KIAA2012: variants seen among roughly 807,000 people sequenced by gnomAD.
KIAA2012 encodes uncharacterized protein KIAA2012.
KIAA2012 carries 125 observed loss-of-function variants against 150.6 expected under a neutral mutation model. The ratio of observed to expected loss-of-function variants is 0.83; its 90% CI spans 0.72 to 0.96. The LOEUF (loss-of-function observed/expected upper bound fraction) is 0.96. Among genes scored for constraint, KIAA2012 ranks in the 40% least tolerant of loss-of-function variants. The probability of loss-of-function intolerance (pLI) is 0.00; values close to 1 mark genes in which losing one functional copy is unlikely to be tolerated. For missense variants in KIAA2012, 1,219 were observed against 1,354.9 expected (o/e 0.90, Z 1.57); for synonymous variants, 462 against 504.7 (o/e 0.92, Z 1.13).
intron 13 of KIAA2012, among the ~76,000 whole-genome samples, chr2:202,152,799 CTGTT>C (rs1236879880): frequency 3.9e-5 from 6 of 152,122 alleles, no homozygotes; most frequent in Admixed American, 2.6e-4. Flanking sequence ...GGAATGATGA[CTGTT>C]TGTGGGGACT....
intron 11 of KIAA2012, chr2:202,115,150 A>G (rs1228134237): frequency 6.5e-6 from 1 of 153,100 alleles, no homozygotes; most frequent in Non-Finnish European, 1.5e-5. Flanking sequence ...TATACTGAAA[A>G]AAATTTTTCC....
intron 9 of KIAA2012, among the ~76,000 whole-genome samples, chr2:202,108,454 A>C (rs1043628110): frequency 6.6e-6 from 1 of 152,196 alleles, no homozygotes; most frequent in African/African-American, 2.4e-5. Flanking sequence ...TCAACCTAGA[A>C]TTCAACTCAG....
chr2:202,186,184 C>A (rs1407183042), intron 16 of KIAA2012, among the ~76,000 whole-genome samples: 1 of 152,142 alleles, frequency 6.6e-6, no homozygotes, highest in Non-Finnish European at 1.5e-5. Flanking sequence ...CAGCACATGA[C>A]CTTTTAGTGG....
intron 2 of KIAA2012, among the ~76,000 whole-genome samples, chr2:202,085,199 GAAA>G (rs1156807786): frequency 6.6e-5 from 10 of 152,100 alleles, no homozygotes; most frequent in African/African-American, 2.4e-4. Flanking sequence ...CAGGAAACTA[GAAA>G]AAAACTTAAA....
intron 14 of KIAA2012, among the ~76,000 whole-genome samples, chr2:202,156,623 CGCCTG>C (rs578034604): frequency 6.0e-4 from 92 of 152,312 alleles, no homozygotes; most frequent in African/African-American, 2.1e-3. Flanking sequence ...AAGTGACTCA[CGCCTG>C]TAATCCCAGC....
intron 10 of KIAA2012, among the ~76,000 whole-genome samples, chr2:202,111,194 TGATTA>T (rs1262567931): frequency 2.0e-5 from 3 of 151,968 alleles, no homozygotes; most frequent in Non-Finnish European, 4.4e-5. Flanking sequence ...AGGGAGAATC[TGATTA>T]GAATAGAATG....
At chr2:202,153,908 C>A (rs1440351125) in intron 13 of KIAA2012, among the ~76,000 whole-genome samples, 1 of 152,170 alleles carries the variant, frequency 6.6e-6, no homozygotes, top group African/African-American at 2.4e-5. Context: ...CTCTTGAGGA[C>A]AATGGCCTTT....
At chr2:202,126,528 T>C (rs1308069526) in intron 12 of KIAA2012, among the ~76,000 whole-genome samples, 1 of 152,120 alleles carries the variant, frequency 6.6e-6, no homozygotes. Context: ...TAGAAAGAGT[T>C]TCCATGCCAT....
intron 2 of KIAA2012, chr2:202,077,178 G>GC (rs1689344525): frequency 4.9e-5 from 19 of 386,490 alleles, no homozygotes; most frequent in South Asian, 9.5e-5. Flanking sequence ...TCTCAATGTT[G>GC]CCCCCCCAGC....
chr2:202,084,461 G>A (rs550276907), intron 2 of KIAA2012, among the ~76,000 whole-genome samples: 2 of 152,166 alleles, frequency 1.3e-5, no homozygotes, highest in East Asian at 1.9e-4. Flanking sequence ...CAAGTCCCTC[G>A]TTAAAGGAAG....
At chr2:202,162,116 C>A (rs943768919) in intron 14 of KIAA2012, among the ~76,000 whole-genome samples, 3 of 151,948 alleles carry the variant, frequency 2.0e-5, no homozygotes, top group Non-Finnish European at 4.4e-5. Context: ...AGCTGCTCAG[C>A]TCCCTTCCCT....
intron 22 of KIAA2012, chr2:202,197,364 T>C: frequency 3.3e-6 from 1 of 301,994 alleles, no homozygotes; most frequent in South Asian, 4.9e-5. Context: ...CCCCCTGATT[T>C]CGAACCCACT....
intron 3 of KIAA2012, among the ~76,000 whole-genome samples, chr2:202,092,723 G>A (rs551284915): frequency 3.3e-4 from 50 of 152,142 alleles, no homozygotes; most frequent in African/African-American, 1.1e-3. Flanking sequence ...CTCCTCCTGA[G>A]GCAGGAGGAG....
intron 15 of KIAA2012, among the ~76,000 whole-genome samples, chr2:202,181,213 G>A (rs1440909441): frequency 6.6e-6 from 1 of 152,108 alleles, no homozygotes; most frequent in Non-Finnish European, 1.5e-5. Context: ...CAAGCGATCT[G>A]CCTGCCTCAG....
At chr2:202,204,191 C>T (rs551982032) in intron 23 of KIAA2012, among the ~76,000 whole-genome samples, 2 of 152,094 alleles carry the variant, frequency 1.3e-5, no homozygotes, top group African/African-American at 4.8e-5. Context: ...ATCCTCCCAC[C>T]TCAGCCTCCC....
chr2:202,153,329 C>T (rs554384208), intron 13 of KIAA2012, among the ~76,000 whole-genome samples: 1 of 152,160 alleles, frequency 6.6e-6, no homozygotes, highest in African/African-American at 2.4e-5. Context: ...TGCTCATGCT[C>T]TGGGTGGTCA....
At chr2:202,146,157 C>T (rs775471358) in intron 13 of KIAA2012, among the ~76,000 whole-genome samples, 2 of 152,082 alleles carry the variant, frequency 1.3e-5, no homozygotes, top group East Asian at 1.9e-4. Flanking sequence ...ACACATGAAC[C>T]GCACTTTAAA....
chr2:202,082,584 A>G (rs1402655541), intron 2 of KIAA2012, among the ~76,000 whole-genome samples: 1 of 130,094 alleles, frequency 7.7e-6, no homozygotes, highest in Admixed American at 8.4e-5. Flanking sequence ...TGACAGGGCG[A>G]GAGTCTGTCT....
intron 2 of KIAA2012, among the ~76,000 whole-genome samples, chr2:202,086,167 C>CAAAAAAAAAAAAAAAAAA (rs56207993): frequency 1.1e-5 from 1 of 90,144 alleles, no homozygotes; most frequent in Non-Finnish European, 2.1e-5. Flanking sequence ...AACTCTGTCT[C>CAAAAAAAAAAAAAAAAAA]AAAAAAAAAA....
Sources: gnomAD v4.1 joint callset for allele counts (sites outside exome capture counted in the v4.1 genomes callset) on GRCh38, gnomAD v4.1.1 for gene constraint, MANE v1.5 for transcripts, NCBI Gene and HGNC (gene_info 2026-07-23, HGNC 2026-07-21) for gene names.